F13A1: variants seen among roughly 807,000 people sequenced by gnomAD.
F13A1 encodes the protein FSF, A subunit.
In F13A1, 47 loss-of-function variants were observed where a neutral mutation model predicts 80.1. The ratio of observed to expected loss-of-function variants is 0.59; its 90% confidence interval spans 0.46 to 0.75. F13A1 has a LOEUF of 0.75. F13A1 is among the 30% of genes least tolerant of loss of function. The probability of loss-of-function intolerance (pLI) is 0.00; values close to 1 mark genes in which losing one functional copy is unlikely to be tolerated. For synonymous variants in F13A1, 349 were observed against 344.9 expected (o/e 1.01, Z -0.13); for missense variants, 817 against 930.4 (o/e 0.88, Z 1.59).
At chr6:6,147,279 C>T (rs7748538) in intron 14 of F13A1, among the ~76,000 whole-genome samples, 20,814 of 152,136 alleles carry the variant, frequency 0.14, 1,565 homozygotes, top group Middle Eastern at 0.17. Flanking sequence ...CAAACACCAA[C>T]TGTTCCCCAA....
At chr6:6,157,668 T>G (rs1458217943) in intron 13 of F13A1, among the ~76,000 whole-genome samples, 2 of 152,232 alleles carry the variant, frequency 1.3e-5, no homozygotes, top group Non-Finnish European at 2.9e-5. Context: ...GGCCTTGATA[T>G]ATATTACTTG....
At chr6:6,288,077 T>C (rs1272957568) in intron 3 of F13A1, among the ~76,000 whole-genome samples, 3 of 152,242 alleles carry the variant, frequency 2.0e-5, no homozygotes, top group Non-Finnish European at 4.4e-5. Context: ...ATGTATACAT[T>C]GTAGAAAGAT....
intron 10 of F13A1, among the ~76,000 whole-genome samples, chr6:6,189,789 A>C (rs1393381311): frequency 6.6e-6 from 1 of 151,264 alleles, no homozygotes; most frequent in African/African-American, 2.4e-5. Context: ...AGATTGGGGA[A>C]GTTCTCCTGG....
In F13A1 at chr6:6,195,859, C is replaced by A. The variant is rs121913070; in HGVS notation, c.1243G>T (p.Val415Phe). Residue 415 changes from valine (V) to phenylalanine (F), a missense_variant, in exon 10 of 15, where the codon GTT becomes TTT. Coordinates refer to ENST00000264870, the MANE Select transcript of F13A1 (RefSeq NM_000129.4). ...DGMYRCGPAS[V>F]QAIKHGHVCF... ...ACATGGCCGTGCTTGATGGCTTGAA[C>A]CGAGGCGGGGCCACACCGATACATG... The A allele has an allele frequency of 6.2e-7, 1 of 1,614,140 alleles. No homozygotes were observed.
chr6:6,174,173 T>C (rs1760831241), intron 12 of F13A1, among the ~76,000 whole-genome samples: 1 of 152,018 alleles, frequency 6.6e-6, no homozygotes, highest in African/African-American at 2.4e-5. Context: ...GTGGATCACC[T>C]GAGGTCAGGA....
intron 8 of F13A1, among the ~76,000 whole-genome samples, chr6:6,213,115 A>C (rs1166935267): frequency 6.6e-6 from 1 of 152,242 alleles, no homozygotes; most frequent in Non-Finnish European, 1.5e-5. Context: ...GCAGGATACT[A>C]TCCAGGAGAA....
chr6:6,279,602 C>T (rs1758033992), intron 3 of F13A1, among the ~76,000 whole-genome samples: 1 of 152,136 alleles, frequency 6.6e-6, no homozygotes, highest in South Asian at 2.1e-4. Flanking sequence ...ATCTTCGAGA[C>T]CCATCTCTTT....
intron 12 of F13A1, among the ~76,000 whole-genome samples, chr6:6,173,776 A>G (rs1404866222): frequency 6.6e-6 from 1 of 152,054 alleles, no homozygotes; most frequent in African/African-American, 2.4e-5. Flanking sequence ...ACAGCCCCCA[A>G]AAGACTTTCC....
chr6:6,311,834 CTATATATTTGTT>C (rs6149404), intron 2 of F13A1, among the ~76,000 whole-genome samples: 105,201 of 143,912 alleles, frequency 0.73, 38,801 homozygotes, highest in East Asian at 0.86. Flanking sequence ...TATAAGCAAA[CTATATATTTGTT>C]TATATATTTG....
At chr6:6,240,030 C>T (rs1431996146) in intron 6 of F13A1, among the ~76,000 whole-genome samples, 1 of 152,126 alleles carries the variant, frequency 6.6e-6, no homozygotes, top group East Asian at 1.9e-4. Context: ...CCCCAGGAGA[C>T]CAGAGCAGCA....
chr6:6,212,278 T>G (rs1307055952), intron 8 of F13A1, among the ~76,000 whole-genome samples: 1 of 152,334 alleles, frequency 6.6e-6, no homozygotes, highest in Non-Finnish European at 1.5e-5. Flanking sequence ...TAAATGTCCC[T>G]GTCTGACAGC....
chr6:6,213,403 C>T (rs911033194), intron 8 of F13A1, among the ~76,000 whole-genome samples: 16 of 151,856 alleles, frequency 1.1e-4, no homozygotes, highest in African/African-American at 3.6e-4. Context: ...AATTTTCAAC[C>T]CCGAATTTCA....
In F13A1 at chr6:6,266,559, T is replaced by A. The variant is rs746136297; in HGVS notation, c.570A>T (p.Glu190Asp). 1 of 1,614,246 alleles carries A rather than the reference T, an allele frequency of 6.2e-7. No homozygotes were observed. Among genetic ancestry groups the A allele is most frequent in the South Asian group, 1.1e-5 (1 of 91,086 alleles). Reference protein sequence around the residue: ...DTYILFNPWCEDDAVYLDNEK... With the variant: ...DTYILFNPWCDDDAVYLDNEK... ...GAAAACTAAATGTCTGCCTCTTACC[T>A]TCACACCAAGGATTGAAGAGAATGT... The change falls in exon 4 of 15, where the codon GAA becomes GAT. Residue 190 changes from glutamate to aspartate, a missense_variant and splice_region_variant. By Grantham distance (45) the Glu-to-Asp change is conservative. Coordinates refer to ENST00000264870, the MANE Select transcript of F13A1 (RefSeq NM_000129.4).
intron 3 of F13A1, among the ~76,000 whole-genome samples, chr6:6,294,727 C>CT (rs570217609): frequency 3.9e-4 from 50 of 129,132 alleles, no homozygotes; most frequent in African/African-American, 1.6e-3. Flanking sequence ...TTTTTTTAGT[C>CT]TTTTTTTAAA....
At chr6:6,234,632 T>C (rs189156225) in intron 6 of F13A1, among the ~76,000 whole-genome samples, 3 of 152,120 alleles carry the variant, frequency 2.0e-5, no homozygotes, top group East Asian at 3.9e-4. Context: ...AAAATGGTAA[T>C]GTTTTAGTGT....
At chr6:6,298,607 C>T (rs1758369261) in intron 3 of F13A1, among the ~76,000 whole-genome samples, 1 of 149,438 alleles carries the variant, frequency 6.7e-6, no homozygotes, top group East Asian at 1.9e-4. Context: ...CTTGGTAGAT[C>T]TTCCTCCATC....
intron 3 of F13A1, among the ~76,000 whole-genome samples, chr6:6,294,000 A>T (rs1380993608): frequency 6.6e-6 from 1 of 152,304 alleles, no homozygotes; most frequent in Non-Finnish European, 1.5e-5. Context: ...GAAGCAACTA[A>T]GTATAAAGTT....
chr6:6,241,142 G>T (rs765615686), intron 6 of F13A1, among the ~76,000 whole-genome samples: 1 of 152,134 alleles, frequency 6.6e-6, no homozygotes, highest in African/African-American at 2.4e-5. Context: ...CATAGAAAGA[G>T]ACAATAACAC....
At chr6:6,167,770 G>GGC in intron 12 of F13A1, 152 bp from the exon 13 acceptor site, 1 of 793,962 alleles carries the variant, frequency 1.3e-6, no homozygotes, top group Non-Finnish European at 2.1e-6. Flanking sequence ...AGAGTCAATT[G>GGC]GGGATAAGCT....
Sources: allele counts gnomAD v4.1 joint callset (sites outside exome capture counted in the v4.1 genomes callset), GRCh38; gene constraint gnomAD v4.1.1; transcripts MANE v1.5; gene names NCBI Gene and HGNC (gene_info 2026-07-23, HGNC 2026-07-21).